Variants in SPTLC2 observed in about 807,000 individuals in gnomAD.
SPTLC2 encodes the protein serine palmitoyltransferase 2.
SPTLC2 carries 21 observed loss-of-function variants against 62.0 expected under a neutral mutation model. The observed-to-expected ratio is 0.34, with a 90% CI of 0.24 to 0.49. SPTLC2 has a LOEUF of 0.49. Among genes scored for constraint, SPTLC2 ranks in the 20% least tolerant of loss-of-function variants. The probability of loss-of-function intolerance (pLI) is 0.99; values close to 1 mark genes in which losing one functional copy is unlikely to be tolerated. For synonymous variants in SPTLC2, 261 were observed against 261.8 expected (o/e 1.00, Z 0.03); for missense variants, 511 against 713.0 (o/e 0.72, Z 3.23).
chr14:77,573,198 G>A (rs7145619), intron 4 of SPTLC2, among the ~76,000 whole-genome samples: 26 of 151,934 alleles, frequency 1.7e-4, no homozygotes, highest in East Asian at 9.7e-4. Context: ...TAGGGGGAGC[G>A]GGGGAGATGA....
intron 9 of SPTLC2, among the ~76,000 whole-genome samples, chr14:77,547,283 A>T (rs1186085418): frequency 6.6e-6 from 1 of 152,194 alleles, no homozygotes; most frequent in Non-Finnish European, 1.5e-5. Flanking sequence ...TACTGTGGGT[A>T]AGAACAAAAC....
At chr14:77,584,549 CT>C (rs2079770786) in intron 2 of SPTLC2, among the ~76,000 whole-genome samples, 2 of 152,156 alleles carry the variant, frequency 1.3e-5, no homozygotes, top group African/African-American at 2.4e-5. Flanking sequence ...GGCTAAATGG[CT>C]TTCCCACTTA....
At chr14:77,573,895 G>A (rs980274282) in intron 4 of SPTLC2, among the ~76,000 whole-genome samples, 2 of 152,194 alleles carry the variant, frequency 1.3e-5, no homozygotes, top group African/African-American at 4.8e-5. Context: ...GCCTCCCAAA[G>A]TGCTGAGATG....
At chr14:77,524,309 C>T (rs946121559) in intron 9 of SPTLC2, among the ~76,000 whole-genome samples, 2 of 151,898 alleles carry the variant, frequency 1.3e-5, no homozygotes, top group East Asian at 1.9e-4. Flanking sequence ...CCAGGAGGGA[C>T]GATGAAAATA....
At chr14:77,549,809 C>A (rs1040011888) in intron 9 of SPTLC2, among the ~76,000 whole-genome samples, 1 of 152,120 alleles carries the variant, frequency 6.6e-6, no homozygotes, top group Non-Finnish European at 1.5e-5. Context: ...CTAGCACAGC[C>A]CAGATTTCAT....
At chr14:77,557,561 T>C (rs570074375) in intron 6 of SPTLC2, among the ~76,000 whole-genome samples, 13 of 152,232 alleles carry the variant, frequency 8.5e-5, no homozygotes, top group Non-Finnish European at 1.5e-4. Context: ...GAATAAACCA[T>C]CACAGACACA....
chr14:77,537,828 C>T (rs1198245351), intron 9 of SPTLC2, among the ~76,000 whole-genome samples: 1 of 152,204 alleles, frequency 6.6e-6, no homozygotes, highest in African/African-American at 2.4e-5. Context: ...GCAGTTAGAA[C>T]AGTGCTAACT....
At chr14:77,606,139 G>C (rs1306837792) in intron 1 of SPTLC2, among the ~76,000 whole-genome samples, 1 of 152,166 alleles carries the variant, frequency 6.6e-6, no homozygotes, top group East Asian at 1.9e-4. Flanking sequence ...AGACCAGCCT[G>C]ACCAACATGG....
intron 9 of SPTLC2, among the ~76,000 whole-genome samples, chr14:77,545,191 T>C (rs923586568): frequency 2.4e-4 from 36 of 151,672 alleles, no homozygotes; most frequent in Non-Finnish European, 1.8e-4. Context: ...AGAAAAACTA[T>C]AGGTGACAAT....
At position 77,509,859 on chromosome 14, in the gene SPTLC2, T is replaced by C. The variant is rs574845730; in HGVS notation, c.*2425A>G. On this transcript the variant is annotated 3_prime_UTR_variant, in exon 12 of 12. Transcript: ENST00000216484. ...AACTTGTAACAAAATTACACTTATC[T>C]TGAAATAACTTTGTACCAACAAAGT... The C allele has an allele frequency of 1.3e-4, 53 of 398,414 alleles. No homozygotes were observed. The highest frequency in any genetic ancestry group is 9.0e-4 in the African/African-American group (44 of 48,758). 24.7% of individuals were successfully genotyped at this position (398,414 alleles called of 1,614,324 possible).
intron 6 of SPTLC2, among the ~76,000 whole-genome samples, chr14:77,561,714 A>C (rs1194751416): frequency 6.6e-6 from 1 of 152,192 alleles, no homozygotes; most frequent in Non-Finnish European, 1.5e-5. Context: ...AAACAAAAAC[A>C]AAAATGATGT....
rs564271156 is a variant in SPTLC2, at chr14:77,526,400, C to T, written c.1304-4819G>A. Among the ~76,000 whole-genome samples the T allele has an allele frequency of 4.2e-4, 64 of 152,262 alleles. No individual in the cohort carries two copies. The South Asian group carries it at 0.012, about 29-fold the overall frequency. On this transcript the variant is annotated intron_variant, in intron 9 of 11. Coordinates refer to ENST00000216484, the MANE Select transcript of SPTLC2 (RefSeq NM_004863.4). ...TTTTATCTTTGGCTCCGAAAGAACA[C>T]AGATGGAAATATAAAGAGGTCAGAA... is the stretch of plus-strand genomic sequence containing the variant.
At chr14:77,541,604 T>G (rs529692604) in intron 9 of SPTLC2, among the ~76,000 whole-genome samples, 2 of 152,350 alleles carry the variant, frequency 1.3e-5, no homozygotes, top group South Asian at 4.1e-4. Context: ...GTCTTTCCTT[T>G]GCTCATCTTT....
chr14:77,570,645 A>C (rs2079676694), intron 4 of SPTLC2, 137 bp from the exon 5 acceptor site: 7 of 979,082 alleles, frequency 7.1e-6, no homozygotes, highest in Non-Finnish European at 1.1e-5. Flanking sequence ...AATATTATGA[A>C]GAGTAATATT....
chr14:77,596,457 C>A (rs146867687), intron 2 of SPTLC2, among the ~76,000 whole-genome samples: 99 of 152,240 alleles, frequency 6.5e-4, no homozygotes, highest in Non-Finnish European at 1.1e-3. Flanking sequence ...GAGCCGAGAT[C>A]GCACCACTGC....
At chr14:77,515,804 G>C (rs575275282) in intron 11 of SPTLC2, among the ~76,000 whole-genome samples, 1 of 152,194 alleles carries the variant, frequency 6.6e-6, no homozygotes, top group East Asian at 1.9e-4. Context: ...TGGGATTACA[G>C]GTGTGAGCCA....
chr14:77,597,035 C>A, intron 2 of SPTLC2, 151 bp downstream of exon 2: 1 of 773,120 alleles, frequency 1.3e-6, no homozygotes, highest in Non-Finnish European at 2.1e-6. Context: ...TATTTTTCAG[C>A]TTTCTTTGTA....
chr14:77,579,918 A>T (rs943019491), intron 2 of SPTLC2, among the ~76,000 whole-genome samples: 5 of 152,212 alleles, frequency 3.3e-5, no homozygotes, highest in African/African-American at 1.2e-4. Context: ...TTAACAAAGT[A>T]GTCCTCATAA....
intron 2 of SPTLC2, among the ~76,000 whole-genome samples, chr14:77,596,855 C>T (rs1371508867): frequency 1.3e-5 from 2 of 152,236 alleles, no homozygotes; most frequent in African/African-American, 4.8e-5. Context: ...GGCTTTTTCA[C>T]TTCACAGTCC....
Sources: gnomAD v4.1 joint callset for allele counts (sites outside exome capture counted in the v4.1 genomes callset) on GRCh38, gnomAD v4.1.1 for gene constraint, MANE v1.5 for transcripts, NCBI Gene and HGNC (gene_info 2026-07-23, HGNC 2026-07-21) for gene names.